UBE2K: variants seen among roughly 807,000 people sequenced by gnomAD.
UBE2K encodes the protein ubiquitin-conjugating enzyme E2 K.
Under a neutral mutation model 30.0 loss-of-function variants are expected in UBE2K, and 6 were observed. The ratio of observed to expected loss-of-function variants is 0.20; its 90% confidence interval spans 0.11 to 0.39. The LOEUF (loss-of-function observed/expected upper bound fraction) is 0.39. Ranked by LOEUF, UBE2K falls within the 10% of genes least tolerant of loss-of-function variation. UBE2K has a pLI of 1.00. For missense variants in UBE2K, 61 were observed against 241.6 expected (o/e 0.25, Z 4.96); for synonymous variants, 86 against 83.7 (o/e 1.03, Z -0.15).
In UBE2K at chr4:39,781,338, T is replaced by C. The variant is rs1713600110; in HGVS notation, c.*2904T>C. On this transcript the variant is annotated 3_prime_UTR_variant, in exon 7 of 7. Coordinates refer to ENST00000261427, the MANE Select transcript of UBE2K (RefSeq NM_005339.5). ...GAAGACTTGATTTTTTTTTTCATTT[T>C]TTAGAAGTAATACACATTTATGATT... The C allele has an allele frequency of 1.3e-5, 2 of 152,180 alleles. No individual in the cohort carries two copies. The highest frequency in any genetic ancestry group is 2.4e-5 in the African/African-American group (1 of 41,456). 9.4% of individuals were successfully genotyped at this position (152,180 alleles called of 1,614,324 possible).
Position 39,757,011 on chromosome 4 carries a change from G to GTTTTTT in UBE2K, c.299+1273_299+1278dup, listed in dbSNP as rs1354761879. 2.2e-3 allele frequency among the ~76,000 whole-genome samples: 170 copies of GTTTTTT among 76,790 alleles called. 11 individuals carry two copies. The highest frequency in any genetic ancestry group is 3.5e-3 in the East Asian group (7 of 2,012). The allele number at this position is 76,790 out of a possible 152,430, so 50.4% of individuals were successfully genotyped here. ...ATGTTTTTTTGGGTGTTTTTTTTTTGTTTTTTGTTTTTTGTTTTTTGTTTT... is the reference window on the plus strand; with the variant it reads ...ATGTTTTTTTGGGTGTTTTTTTTTTGTTTTTTTTTTTTGTTTTTTGTTTTTTGTTTT... On this transcript the variant is annotated intron_variant, in intron 4 of 6. Transcript: ENST00000261427.
intron 1 of UBE2K, among the ~76,000 whole-genome samples, chr4:39,705,672 G>T (rs1291754256): frequency 1.3e-5 from 2 of 152,122 alleles, no homozygotes; most frequent in African/African-American, 2.4e-5. Flanking sequence ...GCATGAGAGA[G>T]ATTCCTTTTT....
Position 39,712,715 on chromosome 4 carries a change from C to T in UBE2K, c.63+14325C>T, listed in dbSNP as rs182996214. Among the ~76,000 whole-genome samples the T allele has an allele frequency of 2.8e-4, 42 of 152,100 alleles. No individual in the cohort carries two copies. In the East Asian group the frequency reaches 3.1e-3, roughly 11 times the overall value. On this transcript the variant is annotated intron_variant, in intron 1 of 6. Coordinates refer to ENST00000261427, the MANE Select transcript of UBE2K (RefSeq NM_005339.5). ...GATTACAGGCGTGAGCCACCGCACTCGGCCTACATTTTTAAGACTTATGTT... is the reference window on the plus strand; with the variant it reads ...GATTACAGGCGTGAGCCACCGCACTTGGCCTACATTTTTAAGACTTATGTT...
intron 2 of UBE2K, among the ~76,000 whole-genome samples, chr4:39,744,556 A>G (rs1403889848): frequency 6.6e-6 from 1 of 152,104 alleles, no homozygotes; most frequent in African/African-American, 2.4e-5. Flanking sequence ...TTCTGTTTGT[A>G]TATTACTGGT....
intron 2 of UBE2K, among the ~76,000 whole-genome samples, chr4:39,739,091 G>A (rs553019415): frequency 5.0e-4 from 76 of 151,326 alleles, no homozygotes; most frequent in African/African-American, 1.8e-3. Context: ...GCAGTGGCGC[G>A]ATCTCGGCTC....
At chr4:39,718,511 C>T (rs1225674612) in intron 1 of UBE2K, among the ~76,000 whole-genome samples, 1 of 152,246 alleles carries the variant, frequency 6.6e-6, no homozygotes. Flanking sequence ...CGCCATGCGC[C>T]TGCACTCCTC....
chr4:39,730,669 A>C (rs1318997224), intron 1 of UBE2K, among the ~76,000 whole-genome samples: 1 of 151,968 alleles, frequency 6.6e-6, no homozygotes, highest in East Asian at 2.0e-4. Flanking sequence ...TCAGGAGGCT[A>C]AGGCAGAAGG....
At chr4:39,743,893 T>C (rs28582996) in intron 2 of UBE2K, among the ~76,000 whole-genome samples, 18,788 of 152,164 alleles carry the variant, frequency 0.12, 1,300 homozygotes, top group East Asian at 0.22. Context: ...GATAGATTCT[T>C]GCTCTGTCAC....
At chr4:39,756,858 A>G (rs1280635970) in intron 4 of UBE2K, among the ~76,000 whole-genome samples, 1 of 152,194 alleles carries the variant, frequency 6.6e-6, no homozygotes, top group Non-Finnish European at 1.5e-5. Context: ...AAGAGAAGGT[A>G]TAACAGAACA....
At chr4:39,712,291 T>C (rs1241610827) in intron 1 of UBE2K, among the ~76,000 whole-genome samples, 1 of 130,574 alleles carries the variant, frequency 7.7e-6, no homozygotes, top group Non-Finnish European at 1.6e-5. Flanking sequence ...AAGCTCCGCC[T>C]CCTGGGTTCA....
intron 4 of UBE2K, among the ~76,000 whole-genome samples, chr4:39,765,940 C>CATAT (rs762582207): frequency 7.1e-6 from 1 of 140,722 alleles, no homozygotes; most frequent in Non-Finnish European, 1.6e-5. Flanking sequence ...TACATACATA[C>CATAT]ACACACACAC....
chr4:39,737,592 T>C, intron 2 of UBE2K, 79 bp downstream of exon 2: 1 of 933,698 alleles, frequency 1.1e-6, no homozygotes, highest in Non-Finnish European at 1.6e-6. Context: ...ATCTTAAACA[T>C]CTATAAATTA....
chr4:39,744,474 G>A (rs947521104), intron 2 of UBE2K, among the ~76,000 whole-genome samples: 1 of 151,900 alleles, frequency 6.6e-6, no homozygotes, highest in African/African-American at 2.4e-5. Flanking sequence ...GCCGAGCCTA[G>A]ATAAGCTTTT....
intron 1 of UBE2K, among the ~76,000 whole-genome samples, chr4:39,719,401 A>T (rs1334095658): frequency 6.6e-6 from 1 of 152,088 alleles, no homozygotes. Context: ...GAGGGCTCAT[A>T]TTCATTTTTT....
At position 39,781,298 on chromosome 4, in the gene UBE2K, ATAATC is replaced by A. The variant is rs556149368; in HGVS notation, c.*2867_*2871del. The A allele has an allele frequency of 7.9e-5, 12 of 151,382 alleles. No homozygotes were observed. The highest frequency in any genetic ancestry group is 2.7e-4 in the African/African-American group (11 of 40,754). 9.4% of individuals were successfully genotyped at this position (151,382 alleles called of 1,614,324 possible). A position where few individuals can be genotyped will look rare whatever the true frequency, so the allele number is the denominator to read the frequency against. On this transcript the variant is annotated 3_prime_UTR_variant, in exon 7 of 7. Coordinates refer to ENST00000261427, the MANE Select transcript of UBE2K (RefSeq NM_005339.5). ...TCTAAGTATTTTGCTTTTGAAGAGA[ATAATC>A]TATGAAATGGAAGACTTGATTTTTT...
chr4:39,755,554 A>G, intron 3 of UBE2K, 103 bp from the exon 4 acceptor site: 1 of 846,696 alleles, frequency 1.2e-6, no homozygotes, highest in Non-Finnish European at 1.9e-6. Context: ...TAATAGATAT[A>G]GGGACCTTTC....
intron 1 of UBE2K, among the ~76,000 whole-genome samples, chr4:39,712,628 G>A (rs1183902081): frequency 6.6e-6 from 1 of 151,838 alleles, no homozygotes; most frequent in Non-Finnish European, 1.5e-5. Context: ...CACCATGTTG[G>A]TCAGGCTGGT....
rs570318305 is a variant in UBE2K at position 39,755,707 on chromosome 4, G to A, written c.267G>A (p.Gly89=). Residue 89 remains glycine (G), a synonymous_variant, in exon 4 of 7, where the codon GGG becomes GGA. Transcript: ENST00000261427. ...IWHPNISSVT[G]AICLDILKDQ... is the part of the protein sequence containing the mutation. ...ATCCTAATATTAGTTCCGTCACAGGGGCTATTTGTTTGGATATCCTGAAAG... is the reference window on the plus strand; with the variant it reads ...ATCCTAATATTAGTTCCGTCACAGGAGCTATTTGTTTGGATATCCTGAAAG... The A allele has an allele frequency of 1.3e-6, 2 of 1,593,478 alleles. No homozygotes were observed. Among genetic ancestry groups the A allele is most frequent in the Non-Finnish European group, 1.7e-6 (2 of 1,174,838 alleles).
rs562226167 is a variant in UBE2K, at chr4:39,770,530, G to A, written c.300-4304G>A. The A allele has an allele frequency of 1.2e-3, 1,943 of 1,602,090 alleles. 26 individuals are homozygous for A. The East Asian group carries it at 0.026, about 22-fold the overall frequency. On this transcript the variant is annotated intron_variant, in intron 4 of 6. Transcript: ENST00000261427. ...GGTCCCTGGCTGCCCCCCGCCCCCC[G>A]GGCAACCATGGCCGCCGCTGCTGCT...
Sources: gnomAD v4.1 joint callset for allele counts (sites outside exome capture counted in the v4.1 genomes callset) on GRCh38, gnomAD v4.1.1 for gene constraint, MANE v1.5 for transcripts, NCBI Gene and HGNC (gene_info 2026-07-23, HGNC 2026-07-21) for gene names.